Variants in ZNF704 observed in about 807,000 individuals in gnomAD.
ZNF704 encodes glucocorticoid induced gene 1.
ZNF704 carries 10 observed loss-of-function variants against 44.7 expected under a neutral mutation model. The observed-to-expected ratio is 0.22, with a 90% CI of 0.14 to 0.38. The LOEUF is 0.38. Among genes scored for constraint, ZNF704 ranks in the 10% least tolerant of loss-of-function variants. ZNF704 has a pLI of 1.00. For synonymous variants in ZNF704, 211 were observed against 207.6 expected, an observed-to-expected ratio of 1.02 and a Z score of -0.14; for missense variants, 390 against 545.5, an observed-to-expected ratio of 0.71 and a Z score of 2.84.
intron 1 of ZNF704, among the ~76,000 whole-genome samples, chr8:80,860,912 T>C (rs887063747): frequency 5.3e-5 from 8 of 152,220 alleles, no homozygotes; most frequent in Non-Finnish European, 1.2e-4. Flanking sequence ...CAGGTCTGTT[T>C]ACTGCTCTCA....
chr8:80,643,672 T>C (rs1198926356), intron 7 of ZNF704, among the ~76,000 whole-genome samples: 1 of 152,026 alleles, frequency 6.6e-6, no homozygotes, highest in Non-Finnish European at 1.5e-5. Flanking sequence ...ATCTCAAACA[T>C]TTTTTTACTT....
At chr8:80,759,476 T>C (rs764860873) in intron 2 of ZNF704, among the ~76,000 whole-genome samples, 27 of 152,120 alleles carry the variant, frequency 1.8e-4, no homozygotes, top group Non-Finnish European at 3.5e-4. Flanking sequence ...GACTTGTTTG[T>C]AACCAAGAGA....
intron 1 of ZNF704, among the ~76,000 whole-genome samples, chr8:80,842,830 A>G (rs776405840): frequency 7.9e-5 from 12 of 152,216 alleles, no homozygotes; most frequent in Non-Finnish European, 1.3e-4. Flanking sequence ...GGAAGTGTTC[A>G]GCAATGGCAC....
intron 2 of ZNF704, among the ~76,000 whole-genome samples, chr8:80,771,876 T>C (rs1291880021): frequency 6.6e-6 from 1 of 152,210 alleles, no homozygotes; most frequent in African/African-American, 2.4e-5. Context: ...CTATTTTTCT[T>C]AGCATTTTAT....
At chr8:80,719,842 C>T (rs1819134814) in intron 2 of ZNF704, among the ~76,000 whole-genome samples, 1 of 152,156 alleles carries the variant, frequency 6.6e-6, no homozygotes, top group South Asian at 2.1e-4. Flanking sequence ...ATCTGCCTTC[C>T]AGCTCCGAAC....
intron 2 of ZNF704, among the ~76,000 whole-genome samples, chr8:80,761,425 T>C (rs1221055941): frequency 1.3e-5 from 2 of 152,158 alleles, no homozygotes; most frequent in African/African-American, 4.8e-5. Flanking sequence ...TTTAACCTTT[T>C]TGGGGGTTTG....
intron 2 of ZNF704, among the ~76,000 whole-genome samples, chr8:80,797,588 A>AAGG (rs1807827071): frequency 6.6e-6 from 1 of 152,134 alleles, no homozygotes; most frequent in Admixed American, 6.5e-5. Flanking sequence ...TGGGGTGGTC[A>AAGG]AGGAGTGATG....
At chr8:80,721,182 A>G (rs1819160488) in intron 2 of ZNF704, among the ~76,000 whole-genome samples, 1 of 152,200 alleles carries the variant, frequency 6.6e-6, no homozygotes, top group Admixed American at 6.5e-5. Flanking sequence ...AGAGAGTATG[A>G]ACTGTAGTAG....
chr8:80,822,705 C>G (rs1381843447), intron 1 of ZNF704, among the ~76,000 whole-genome samples: 1 of 152,094 alleles, frequency 6.6e-6, no homozygotes, highest in African/African-American at 2.4e-5. Context: ...CTCTCCAGCA[C>G]CTGTTGTTTC....
intron 2 of ZNF704, among the ~76,000 whole-genome samples, chr8:80,727,569 T>C (rs1206607719): frequency 2.0e-5 from 3 of 152,178 alleles, no homozygotes; most frequent in Non-Finnish European, 4.4e-5. Context: ...GCAGTGGCTC[T>C]TGTTTGGCGC....
chr8:80,668,003 C>G (rs1818222131), intron 5 of ZNF704, among the ~76,000 whole-genome samples: 1 of 152,204 alleles, frequency 6.6e-6, no homozygotes, highest in South Asian at 2.1e-4. Context: ...TAGAAGGTCT[C>G]AATTTTCACC....
rs1000794715 is a variant in ZNF704, at chr8:80,635,383, T to A, written c.*5983A>T. On this transcript the variant is annotated 3_prime_UTR_variant, in exon 9 of 9. Transcript: ENST00000327835. The stretch of plus-strand genomic sequence containing the variant: ...GTGAAAAATCAAGCACTTGTTCTTT[T>A]TGTTTTGTTTTTTTATTTTCCTTTT... 3 of 152,224 alleles carry A rather than the reference T, an allele frequency of 2.0e-5. No homozygotes were observed. Among genetic ancestry groups the A allele is most frequent in the African/African-American group, 7.2e-5 (3 of 41,464 alleles). 9.4% of individuals were successfully genotyped at this position (152,224 alleles called of 1,614,324 possible). A position where few individuals can be genotyped will look rare whatever the true frequency, so the allele number is the denominator to read the frequency against.
chr8:80,761,825 T>A (rs1807136693), intron 2 of ZNF704, among the ~76,000 whole-genome samples: 1 of 152,208 alleles, frequency 6.6e-6, no homozygotes. Context: ...ACAAAGTCAC[T>A]GTGGTTGGTA....
In ZNF704 at chr8:80,675,473, GT is replaced by G. The variant is rs111402539; in HGVS notation, c.559-4871del. Among the ~76,000 whole-genome samples the G allele has an allele frequency of 2.6e-3, 391 of 147,556 alleles. 3 individuals are homozygous for G. Among genetic ancestry groups the G allele is most frequent in the African/African-American group, 8.5e-3 (348 of 40,882 alleles). ...CACTGTATGACTTAAGTTTTGTTTT[GT>G]TTTTTTTTTTAATATTACTCTGTTT... On this transcript the variant is annotated intron_variant, in intron 4 of 8. Transcript: ENST00000327835.
rs1346362181 is a variant in ZNF704, at chr8:80,645,103, G to C, written c.1033-1974C>G. ...ACCAGCTTGGCTATGTCCTTGGGCA[G>C]CATGACATGTCGATACTCAAACTCC... On this transcript the variant is annotated intron_variant, in intron 7 of 8. Transcript: ENST00000327835. 2.5e-6 allele frequency: 4 copies of C among 1,585,948 alleles called. No individual in the cohort carries two copies. In the East Asian group the frequency reaches 8.9e-5, roughly 35 times the overall value.
At chr8:80,682,215 C>T (rs931490543) in intron 4 of ZNF704, among the ~76,000 whole-genome samples, 4 of 152,118 alleles carry the variant, frequency 2.6e-5, no homozygotes, top group African/African-American at 9.7e-5. Flanking sequence ...CAGCCATTCA[C>T]AATTTAAAGT....
intron 2 of ZNF704, among the ~76,000 whole-genome samples, chr8:80,697,262 C>T (rs1335163934): frequency 6.6e-6 from 1 of 152,120 alleles, no homozygotes; most frequent in Non-Finnish European, 1.5e-5. Flanking sequence ...AAGCAAAGCG[C>T]ATCCATGGAA....
intron 1 of ZNF704, among the ~76,000 whole-genome samples, chr8:80,851,483 C>G (rs1808862847): frequency 6.7e-6 from 1 of 149,360 alleles, no homozygotes; most frequent in Non-Finnish European, 1.5e-5. Context: ...GACAAAAAAC[C>G]AAACACCACA....
intron 2 of ZNF704, among the ~76,000 whole-genome samples, chr8:80,810,805 G>C (rs919987437): frequency 6.6e-6 from 1 of 152,200 alleles, no homozygotes; most frequent in Non-Finnish European, 1.5e-5. Context: ...CAGGAATCAT[G>C]CTGCAGATTT....
Sources: gnomAD v4.1 joint callset for allele counts (sites outside exome capture counted in the v4.1 genomes callset) on GRCh38, gnomAD v4.1.1 for gene constraint, MANE v1.5 for transcripts, NCBI Gene and HGNC (gene_info 2026-07-23, HGNC 2026-07-21) for gene names.